The following SH3RF3 variants were observed in gnomAD, a reference collection of about 807,000 sequenced individuals.
SH3RF3 encodes the protein E3 ubiquitin-protein ligase SH3RF3.
SH3RF3 carries 29 observed loss-of-function variants against 66.3 expected under a neutral mutation model. The observed-to-expected ratio is 0.44, with a 90% confidence interval of 0.33 to 0.60. The LOEUF (loss-of-function observed/expected upper bound fraction) is 0.60, where lower values mean the gene tolerates loss of function less well. SH3RF3 is among the 20% of genes least tolerant of loss of function. SH3RF3 has a pLI of 0.04. For synonymous variants in SH3RF3, 583 were observed against 532.0 expected (o/e 1.10, Z -1.32); for missense variants, 1,194 against 1,190.9 (o/e 1.00, Z -0.04).
intron 8 of SH3RF3, among the ~76,000 whole-genome samples, chr2:109,475,373 CGCAAAGTGGCTA>C (rs970579514): frequency 3.9e-5 from 6 of 152,228 alleles, no homozygotes; most frequent in African/African-American, 9.6e-5. Context: ...AGCAAACCCA[CGCAAAGTGGCTA>C]CCAGTCCCCC....
At chr2:109,399,739 G>A (rs1400855879) in intron 4 of SH3RF3, among the ~76,000 whole-genome samples, 2 of 152,242 alleles carry the variant, frequency 1.3e-5, no homozygotes, top group Non-Finnish European at 2.9e-5. Flanking sequence ...GGCAGGAGTT[G>A]GGCAAGTTTC....
intron 2 of SH3RF3, among the ~76,000 whole-genome samples, chr2:109,364,367 T>C (rs890060173): frequency 2.6e-5 from 4 of 152,250 alleles, no homozygotes; most frequent in Non-Finnish European, 5.9e-5. Flanking sequence ...ACCCATCTGT[T>C]CTTACATGCT....
At chr2:109,230,490 G>T (rs1402744856) in intron 1 of SH3RF3, among the ~76,000 whole-genome samples, 1 of 152,174 alleles carries the variant, frequency 6.6e-6, no homozygotes, top group Non-Finnish European at 1.5e-5. Flanking sequence ...TGAGGCAGGA[G>T]AATTGCTTGA....
At chr2:109,470,584 A>G (rs1375575002) in intron 8 of SH3RF3, among the ~76,000 whole-genome samples, 1 of 152,248 alleles carries the variant, frequency 6.6e-6, no homozygotes, top group East Asian at 1.9e-4. Flanking sequence ...GAGCTGAACA[A>G]GGCAGTCTGG....
chr2:109,279,749 A>T (rs1039707323), intron 1 of SH3RF3, among the ~76,000 whole-genome samples: 6 of 82,788 alleles, frequency 7.2e-5, no homozygotes, highest in African/African-American at 2.5e-4. Flanking sequence ...GGGAGCAGTG[A>T]CGCGAAACTT....
intron 1 of SH3RF3, among the ~76,000 whole-genome samples, chr2:109,239,600 C>G (rs948042302): frequency 6.6e-6 from 1 of 152,144 alleles, no homozygotes; most frequent in African/African-American, 2.4e-5. Flanking sequence ...AGACTGGGTA[C>G]AGAGCCAGGC....
At chr2:109,176,751 T>C (rs759135645) in intron 1 of SH3RF3, among the ~76,000 whole-genome samples, 25 of 151,976 alleles carry the variant, frequency 1.6e-4, no homozygotes, top group Non-Finnish European at 2.9e-4. Flanking sequence ...AAAGAAGGCA[T>C]AGGGGCATGG....
intron 3 of SH3RF3, among the ~76,000 whole-genome samples, chr2:109,385,806 C>T (rs1040239020): frequency 2.0e-5 from 3 of 152,036 alleles, no homozygotes; most frequent in Non-Finnish European, 4.4e-5. Flanking sequence ...GGACCTGGCA[C>T]CAGAAACAAA....
intron 1 of SH3RF3, among the ~76,000 whole-genome samples, chr2:109,323,781 T>G (rs145832934): frequency 7.9e-4 from 120 of 152,378 alleles, no homozygotes; most frequent in African/African-American, 2.4e-3. Flanking sequence ...TAGATGTTAA[T>G]TATTTTTGTT....
chr2:109,313,692 A>T (rs903966763), intron 1 of SH3RF3: 2 of 154,924 alleles, frequency 1.3e-5, no homozygotes. Flanking sequence ...AGATGAGTGG[A>T]GAGAGACTGA....
intron 4 of SH3RF3, among the ~76,000 whole-genome samples, chr2:109,401,487 C>G (rs1160067928): frequency 7.1e-6 from 1 of 140,786 alleles, no homozygotes; most frequent in African/African-American, 2.5e-5. Context: ...CAGAGATGGC[C>G]CTGGAACTGC....
At chr2:109,435,793 G>A (rs1284984565) in intron 6 of SH3RF3, among the ~76,000 whole-genome samples, 4 of 152,204 alleles carry the variant, frequency 2.6e-5, no homozygotes, top group Non-Finnish European at 4.4e-5. Flanking sequence ...TTTCCTCGGG[G>A]AAAAGTGAGC....
intron 8 of SH3RF3, among the ~76,000 whole-genome samples, chr2:109,450,005 G>A (rs1677821696): frequency 6.6e-6 from 1 of 152,156 alleles, no homozygotes; most frequent in Non-Finnish European, 1.5e-5. Context: ...CCTGATGGCT[G>A]GTGTGTTTTT....
At chr2:109,318,322 C>T (rs1017031211) in intron 1 of SH3RF3, among the ~76,000 whole-genome samples, 1 of 152,024 alleles carries the variant, frequency 6.6e-6, no homozygotes, top group African/African-American at 2.4e-5. Context: ...GCTGGTGCCT[C>T]CCGGCCCCCA....
At chr2:109,143,709 G>A (rs1249054846) in intron 1 of SH3RF3, among the ~76,000 whole-genome samples, 2 of 151,872 alleles carry the variant, frequency 1.3e-5, no homozygotes, top group African/African-American at 2.4e-5. Flanking sequence ...AGCCGTGATC[G>A]CACCACTGCA....
intron 3 of SH3RF3, among the ~76,000 whole-genome samples, chr2:109,374,764 TGGC>T (rs1683344687): frequency 6.6e-6 from 1 of 152,236 alleles, no homozygotes; most frequent in South Asian, 2.1e-4. Context: ...TGCAGGCACC[TGGC>T]AGGGTTCTAC....
chr2:109,450,780 G>T (rs1677845008), intron 8 of SH3RF3, among the ~76,000 whole-genome samples: 1 of 152,196 alleles, frequency 6.6e-6, no homozygotes, highest in Non-Finnish European at 1.5e-5. Context: ...TGGGTGCTGG[G>T]CAAGGAGCCA....
chr2:109,498,772 C>G (rs1679316730), intron 9 of SH3RF3, among the ~76,000 whole-genome samples: 1 of 152,162 alleles, frequency 6.6e-6, no homozygotes, highest in Non-Finnish European at 1.5e-5. Flanking sequence ...CAGACTGGTG[C>G]AGGAGGCAGG....
At chr2:109,160,727 A>C (rs1042045574) in intron 1 of SH3RF3, among the ~76,000 whole-genome samples, 4 of 151,958 alleles carry the variant, frequency 2.6e-5, no homozygotes, top group African/African-American at 7.3e-5. Context: ...CCCTGCTCCT[A>C]CTCTGGGAGC....
Sources: allele counts gnomAD v4.1 joint callset (sites outside exome capture counted in the v4.1 genomes callset), GRCh38; gene constraint gnomAD v4.1.1; transcripts MANE v1.5; gene names NCBI Gene and HGNC (gene_info 2026-07-23, HGNC 2026-07-21).